Variants in C5orf58 observed in about 807,000 individuals in gnomAD.
The protein encoded by C5orf58 is chromosome 5 open reading frame 58.
In C5orf58, 2 loss-of-function variants were observed where a neutral mutation model predicts 2.9. That is an observed-to-expected ratio of 0.69 (90% confidence interval 0.28 to 2.18). The LOEUF (loss-of-function observed/expected upper bound fraction) is 2.18, where lower values mean the gene tolerates loss of function less well. C5orf58 is among the 30% of genes most tolerant of loss of function. The pLI is 0.13. For synonymous variants in C5orf58, 37 were observed against 33.4 expected, an observed-to-expected ratio of 1.11 and a Z score of -0.37; for missense variants, 96 against 91.7, an observed-to-expected ratio of 1.05 and a Z score of -0.19.
At chr5:170,235,589 A>C (rs948807611) in intron 3 of C5orf58, among the ~76,000 whole-genome samples, 5 of 152,180 alleles carry the variant, frequency 3.3e-5, no homozygotes, top group Admixed American at 2.0e-4. Flanking sequence ...ATTTCTAGGG[A>C]TAATCTATCC....
chr5:170,252,006 T>C lies in C5orf58; in HGVS notation c.*351T>C, dbSNP rs934563889. 4.0e-5 allele frequency: 8 copies of C among 200,066 alleles called. No individual in the cohort carries two copies. In the East Asian group the frequency reaches 8.5e-4, roughly 21 times the overall value. The allele number at this position is 200,066 out of a possible 1,614,324, so 12.4% of individuals were successfully genotyped here. A position where few individuals can be genotyped will look rare whatever the true frequency, so the allele number is the denominator to read the frequency against. ...TATTAAAGGACTAGCTAGAAACGTC[T>C]AGGGCAAAAAGCAAAAAGTTGCTGC... On this transcript the variant is annotated 3_prime_UTR_variant, in exon 3 of 3. Transcript: ENST00000517575.
At chr5:170,243,490 A>G (rs1761111390) in intron 3 of C5orf58, among the ~76,000 whole-genome samples, 2 of 151,880 alleles carry the variant, frequency 1.3e-5, no homozygotes, top group Non-Finnish European at 2.9e-5. Context: ...TATTTAGGAT[A>G]GTTAGCTCTT....
At chr5:170,234,023 C>A in intron 1 of C5orf58, 92 bp from the exon 2 acceptor site, 1 of 612,726 alleles carries the variant, frequency 1.6e-6, no homozygotes, top group Non-Finnish European at 2.7e-6. Flanking sequence ...CTTGGTTTGG[C>A]ATGCCCAAGG....
chr5:170,249,273 C>T (rs551007603), downstream of C5orf58, among the ~76,000 whole-genome samples: 10 of 151,124 alleles, frequency 6.6e-5, no homozygotes, highest in South Asian at 6.3e-4. Flanking sequence ...TGCAGTGAGC[C>T]GAGATTGCGC....
intron 3 of C5orf58, among the ~76,000 whole-genome samples, chr5:170,244,123 T>A (rs1326226913): frequency 1.3e-5 from 2 of 151,984 alleles, no homozygotes; most frequent in Non-Finnish European, 2.9e-5. Flanking sequence ...CTCTTCTGGC[T>A]TGTAGGGTTT....
chr5:170,248,024 G>GAA (rs1276727310), downstream of C5orf58: 2 of 152,028 alleles, frequency 1.3e-5, no homozygotes, highest in Non-Finnish European at 2.9e-5. Context: ...TTTTCTTTAA[G>GAA]ACAAAAATAT....
chr5:170,235,098 C>T, intron 3 of C5orf58, 28 bp downstream of exon 3: 1 of 1,130,776 alleles, frequency 8.8e-7, no homozygotes, highest in Admixed American at 2.3e-5. Flanking sequence ...AAAATGTTTG[C>T]ATGTCATTGT....
At chr5:170,246,976 C>T (rs116627337), downstream of C5orf58, 295 of 152,298 alleles carry the variant, frequency 1.9e-3, no homozygotes, top group African/African-American at 6.8e-3. Flanking sequence ...TTAAAATGAG[C>T]TTTGGTTTGT....
At chr5:170,251,420 CT>C (rs889183918) in intron 2 of C5orf58, 4 of 213,016 alleles carry the variant, frequency 1.9e-5, no homozygotes, top group African/African-American at 9.2e-5. Flanking sequence ...CTTTTCTTTT[CT>C]TTTTTCTGAT....
Position 170,245,544 on chromosome 5 carries a change from G to A in C5orf58, c.95-418G>A, listed in dbSNP as rs185390262. Among the ~76,000 whole-genome samples the A allele has an allele frequency of 5.1e-4, 78 of 152,260 alleles. No homozygotes were observed. The East Asian group carries it at 0.012, about 23-fold the overall frequency. On this transcript the variant is annotated intron_variant, in intron 3 of 3. Transcript: ENST00000593851. ...GGGAGTGACCCGATTTTCCAGGTGC[G>A]TCCGTCACCCCTTTCTTTGACTCGG...
chr5:170,234,716 C>T (rs1760668362), intron 2 of C5orf58, among the ~76,000 whole-genome samples: 1 of 152,178 alleles, frequency 6.6e-6, no homozygotes. Flanking sequence ...ATCTTCATTT[C>T]CATTGTAAGC....
chr5:170,238,992 A>G (rs1760861569), intron 3 of C5orf58, among the ~76,000 whole-genome samples: 1 of 152,228 alleles, frequency 6.6e-6, no homozygotes, highest in African/African-American at 2.4e-5. Context: ...CTAGGATATT[A>G]GTGAAGGGAG....
intron 1 of C5orf58, chr5:170,233,813 G>A: frequency 3.7e-5 from 12 of 322,366 alleles, no homozygotes; most frequent in South Asian, 3.1e-4. Context: ...ACCCCACTGT[G>A]CCCTCACCCC....
intron 3 of C5orf58, among the ~76,000 whole-genome samples, chr5:170,243,841 T>G (rs1383639307): frequency 1.3e-5 from 2 of 150,310 alleles, no homozygotes; most frequent in East Asian, 2.0e-4. Context: ...CTGGTGATTT[T>G]GCTCATTAGT....
At chr5:170,233,706 C>G (rs1200568966) in intron 1 of C5orf58, 1 of 169,102 alleles carries the variant, frequency 5.9e-6, no homozygotes, top group Non-Finnish European at 1.3e-5. Flanking sequence ...GGAGCAGCCT[C>G]TCCTTTCTGG....
chr5:170,236,834 G>T (rs1233674936), intron 3 of C5orf58, among the ~76,000 whole-genome samples: 1 of 152,182 alleles, frequency 6.6e-6, no homozygotes, highest in African/African-American at 2.4e-5. Context: ...GAGCCAGCAT[G>T]TTATCCTTTC....
At chr5:170,240,967 G>C (rs1479807802) in intron 3 of C5orf58, among the ~76,000 whole-genome samples, 1 of 150,490 alleles carries the variant, frequency 6.6e-6, no homozygotes, top group Non-Finnish European at 1.5e-5. Flanking sequence ...GTGTAAGGAA[G>C]GGATCCAGTT....
chr5:170,235,145 T>TG, intron 3 of C5orf58, 75 bp downstream of exon 3: 2 of 784,608 alleles, frequency 2.5e-6, no homozygotes, highest in Non-Finnish European at 4.1e-6. Context: ...GTGTTTCTGC[T>TG]GGGGTATAAG....
downstream of C5orf58, chr5:170,250,640 C>T: frequency 4.9e-6 from 5 of 1,025,344 alleles, no homozygotes; most frequent in South Asian, 1.3e-5. Flanking sequence ...ATTTGCCATA[C>T]AGCACGGACT....
Sources: gnomAD v4.1 joint callset for allele counts (sites outside exome capture counted in the v4.1 genomes callset) on GRCh38, gnomAD v4.1.1 for gene constraint, MANE v1.5 for transcripts, NCBI Gene and HGNC (gene_info 2026-07-23, HGNC 2026-07-21) for gene names.